Variants in CCSER1 observed in about 807,000 individuals in gnomAD.
The protein encoded by CCSER1 is serine-rich coiled-coil domain-containing protein 1.
In CCSER1, 41 loss-of-function variants were observed where a neutral mutation model predicts 82.0. The ratio of observed to expected loss-of-function variants is 0.50; its 90% CI spans 0.39 to 0.65. The LOEUF is 0.65. CCSER1 is among the 30% of genes least tolerant of loss of function. The probability of loss-of-function intolerance (pLI) is 0.00; values close to 1 mark genes in which losing one functional copy is unlikely to be tolerated. For missense variants in CCSER1, 1,119 were observed against 1,064.2 expected (o/e 1.05, Z -0.72); for synonymous variants, 414 against 383.9 (o/e 1.08, Z -0.92).
At chr4:91,175,497 T>A (rs1184928226) in intron 10 of CCSER1, among the ~76,000 whole-genome samples, 2 of 152,198 alleles carry the variant, frequency 1.3e-5, no homozygotes, top group African/African-American at 4.8e-5. Context: ...GTTTCCTGAC[T>A]TTTTAATGAT....
chr4:90,408,161 C>T (rs1255991080), intron 4 of CCSER1, among the ~76,000 whole-genome samples: 1 of 152,212 alleles, frequency 6.6e-6, no homozygotes, highest in Non-Finnish European at 1.5e-5. Context: ...TAGAGTCCAC[C>T]CAGCTCAAGG....
chr4:91,270,399 C>T (rs1029669310), intron 10 of CCSER1, among the ~76,000 whole-genome samples: 2 of 152,044 alleles, frequency 1.3e-5, no homozygotes, highest in Non-Finnish European at 2.9e-5. Context: ...CTTTAGTAAC[C>T]ACTTCCAGAG....
intron 10 of CCSER1, among the ~76,000 whole-genome samples, chr4:91,593,654 T>G (rs1764380678): frequency 6.6e-6 from 1 of 151,872 alleles, no homozygotes; most frequent in African/African-American, 2.4e-5. Flanking sequence ...CTTTATAAAA[T>G]CTAGAGAGGG....
chr4:90,697,479 C>T (rs1737185454), intron 6 of CCSER1, among the ~76,000 whole-genome samples: 1 of 151,924 alleles, frequency 6.6e-6, no homozygotes, highest in African/African-American at 2.4e-5. Context: ...AAAAATAAAC[C>T]ATTCTTTGTC....
At chr4:90,188,411 T>C (rs1032953055) in intron 1 of CCSER1, among the ~76,000 whole-genome samples, 1 of 151,946 alleles carries the variant, frequency 6.6e-6, no homozygotes, top group African/African-American at 2.4e-5. Flanking sequence ...TATTAAGAAG[T>C]CTTCCAAGAG....
At chr4:90,705,003 C>T (rs1480127971) in intron 6 of CCSER1, among the ~76,000 whole-genome samples, 1 of 152,184 alleles carries the variant, frequency 6.6e-6, no homozygotes, top group Non-Finnish European at 1.5e-5. Context: ...CAGCTTTGTT[C>T]CACTGCTGGT....
chr4:90,606,317 A>G (rs1418920432), intron 5 of CCSER1, among the ~76,000 whole-genome samples: 2 of 152,210 alleles, frequency 1.3e-5, no homozygotes, highest in Non-Finnish European at 2.9e-5. Context: ...AACCTAGATG[A>G]TATAGACTAC....
chr4:90,452,073 C>T (rs990511797), intron 4 of CCSER1, among the ~76,000 whole-genome samples: 1 of 152,064 alleles, frequency 6.6e-6, no homozygotes, highest in Admixed American at 6.5e-5. Flanking sequence ...GTTGAGTACT[C>T]GTGCCTGAGG....
intron 10 of CCSER1, among the ~76,000 whole-genome samples, chr4:91,424,261 C>A (rs1753848937): frequency 6.6e-6 from 1 of 151,818 alleles, no homozygotes; most frequent in South Asian, 2.1e-4. Context: ...TCATGATCCA[C>A]CCGCCTCGGC....
At chr4:90,839,450 A>C (rs1762284792) in intron 8 of CCSER1, among the ~76,000 whole-genome samples, 2 of 152,246 alleles carry the variant, frequency 1.3e-5, no homozygotes, top group Non-Finnish European at 2.9e-5. Flanking sequence ...TGCCTTCACC[A>C]TGTGTTACAT....
rs564245626 is a variant in CCSER1 at position 90,227,950 on chromosome 4, C to T, written c.-41-80294C>T. Among the ~76,000 whole-genome samples, 9 of 152,312 alleles carry T rather than the reference C, an allele frequency of 5.9e-5. No homozygotes were observed. In the East Asian group the frequency reaches 1.2e-3, roughly 20 times the overall value. On this transcript the variant is annotated intron_variant, in intron 1 of 10. Coordinates refer to ENST00000509176, the MANE Select transcript of CCSER1 (RefSeq NM_001145065.2). ...AACGCCGCACCAGGAGATTATATCCCGCACCTGGCTCGGAGGGTCCTACGC... is the reference window on the plus strand; with the variant it reads ...AACGCCGCACCAGGAGATTATATCCTGCACCTGGCTCGGAGGGTCCTACGC...
chr4:90,283,031 A>G (rs1364305561), intron 1 of CCSER1, among the ~76,000 whole-genome samples: 1 of 152,018 alleles, frequency 6.6e-6, no homozygotes, highest in East Asian at 1.9e-4. Flanking sequence ...TTGAAAATAA[A>G]CGGCTTTGCT....
At chr4:91,103,589 A>T (rs1159046661) in intron 10 of CCSER1, among the ~76,000 whole-genome samples, 1 of 152,160 alleles carries the variant, frequency 6.6e-6, no homozygotes, top group Non-Finnish European at 1.5e-5. Context: ...AACATAAATC[A>T]TGATAATTTC....
intron 9 of CCSER1, among the ~76,000 whole-genome samples, chr4:90,976,250 A>G (rs1460620447): frequency 6.6e-6 from 1 of 151,358 alleles, no homozygotes; most frequent in African/African-American, 2.4e-5. Context: ...AAATTAACTA[A>G]TAAGAAAAGG....
intron 10 of CCSER1, among the ~76,000 whole-genome samples, chr4:91,528,432 T>C (rs963049758): frequency 2.0e-5 from 3 of 152,264 alleles, no homozygotes; most frequent in African/African-American, 4.8e-5. Context: ...ATAAACAGCA[T>C]GTTATTTAAA....
chr4:90,359,891 GTGTGTGTATATATA>G (rs1745025096), intron 3 of CCSER1, among the ~76,000 whole-genome samples: 1 of 79,468 alleles, frequency 1.3e-5, no homozygotes, highest in African/African-American at 7.2e-5. Flanking sequence ...ATATATATGT[GTGTGTGTATATATA>G]TATATATATG....
intron 8 of CCSER1, among the ~76,000 whole-genome samples, chr4:90,895,823 C>A (rs527564470): frequency 6.6e-6 from 1 of 151,880 alleles, no homozygotes; most frequent in South Asian, 2.1e-4. Flanking sequence ...TAGCCAGTGA[C>A]CAGACCATGA....
intron 10 of CCSER1, among the ~76,000 whole-genome samples, chr4:91,104,933 G>A (rs1416795513): frequency 6.6e-6 from 1 of 152,142 alleles, no homozygotes; most frequent in Non-Finnish European, 1.5e-5. Context: ...TGTGGTACAG[G>A]TGTAATTTTG....
At chr4:90,821,819 A>G (rs1993301) in intron 8 of CCSER1, among the ~76,000 whole-genome samples, 11,138 of 152,114 alleles carry the variant, frequency 0.073, 1,289 homozygotes, top group African/African-American at 0.24. Flanking sequence ...AATGCCATGT[A>G]ATTTTATTGC....
Sources: gnomAD v4.1 joint callset for allele counts (sites outside exome capture counted in the v4.1 genomes callset) on GRCh38, gnomAD v4.1.1 for gene constraint, MANE v1.5 for transcripts, NCBI Gene and HGNC (gene_info 2026-07-23, HGNC 2026-07-21) for gene names.